The following NLGN4X variants were observed in gnomAD, a reference collection of about 807,000 sequenced individuals.
The protein encoded by NLGN4X is neuroligin-4, X-linked.
In NLGN4X, 3 loss-of-function variants were observed where a neutral mutation model predicts 40.3. The ratio of observed to expected loss-of-function variants is 0.07; its 90% CI spans 0.03 to 0.19. The LOEUF (loss-of-function observed/expected upper bound fraction) is 0.19. Ranked by LOEUF, NLGN4X falls within the 10% of genes least tolerant of loss-of-function variation. The pLI, the probability that NLGN4X is intolerant of heterozygous loss-of-function variation, is 1.00. For missense variants in NLGN4X, 382 were observed against 708.3 expected, an observed-to-expected ratio of 0.54 and a Z score of 5.23; for synonymous variants, 270 against 306.8, an observed-to-expected ratio of 0.88 and a Z score of 1.25.
intron 3 of NLGN4X, among the ~76,000 whole-genome samples, chrX:5,978,341 T>C (rs5915626): frequency 0.1 from 937 of 9,382 alleles, 66 homozygotes; most frequent in East Asian, 0.22. Flanking sequence ...TCTTTCTTTC[T>C]TTCCCTTCCT....
intron 3 of NLGN4X, chrX:5,991,565 C>T (rs191398096): frequency 2.0e-6 from 1 of 492,732 alleles, no homozygotes; most frequent in Non-Finnish European, 3.8e-6. Context: ...CTGACATTCT[C>T]TTGCCTAGAA....
chrX:5,898,498 T>C (rs2031650631), intron 5 of NLGN4X, among the ~76,000 whole-genome samples: 1 of 110,852 alleles, frequency 9.0e-6, no homozygotes, highest in Non-Finnish European at 1.9e-5. Context: ...ACCATCTACT[T>C]TGAGATGTCT....
chrX:6,114,137 T>C (rs899048225), intron 2 of NLGN4X, among the ~76,000 whole-genome samples: 1 of 111,666 alleles, frequency 9.0e-6, no homozygotes, highest in Admixed American at 9.6e-5. Flanking sequence ...GTTAAACCAA[T>C]AAGTCTTAAA....
At chrX:6,164,009 G>A (rs943241716) in intron 1 of NLGN4X, among the ~76,000 whole-genome samples, 1 of 112,914 alleles carries the variant, frequency 8.9e-6, no homozygotes, top group South Asian at 3.6e-4. Flanking sequence ...CTCATCTCCT[G>A]TGGGTACCAC....
intron 2 of NLGN4X, among the ~76,000 whole-genome samples, chrX:6,048,001 G>T: frequency 9.0e-6 from 1 of 111,614 alleles, no homozygotes; most frequent in Non-Finnish European, 1.9e-5. Context: ...AAACAGCCTG[G>T]TCATGGGTTC....
intron 3 of NLGN4X, among the ~76,000 whole-genome samples, chrX:5,943,932 T>A (rs1269829065): frequency 8.9e-6 from 1 of 112,288 alleles, no homozygotes; most frequent in African/African-American, 3.2e-5. Context: ...TATAAATGCA[T>A]GATTCTGTAT....
intron 1 of NLGN4X, among the ~76,000 whole-genome samples, chrX:6,180,972 C>A (rs936699205): frequency 9.0e-6 from 1 of 111,659 alleles, no homozygotes; most frequent in Non-Finnish European, 1.9e-5. Flanking sequence ...ATAAAGCATT[C>A]TTTGGGGAAA....
At chrX:6,095,456 G>C (rs1471928239) in intron 2 of NLGN4X, among the ~76,000 whole-genome samples, 2 of 111,829 alleles carry the variant, frequency 1.8e-5, no homozygotes, top group Non-Finnish European at 3.8e-5. Context: ...TGATTAATAT[G>C]AAATACTAAA....
chrX:5,976,825 A>G (rs1376687538), intron 3 of NLGN4X, among the ~76,000 whole-genome samples: 1 of 112,971 alleles, frequency 8.9e-6, no homozygotes, highest in African/African-American at 3.2e-5. Flanking sequence ...GACAAGCCCT[A>G]TGGCAGAATG....
intron 2 of NLGN4X, among the ~76,000 whole-genome samples, chrX:6,050,675 A>G (rs148235944): frequency 9.0e-6 from 1 of 110,916 alleles, no homozygotes; most frequent in African/African-American, 3.3e-5. Flanking sequence ...CCACCTATTC[A>G]TATCTATCTA....
At position 5,891,847 on chromosome X, in the gene NLGN4X, T is replaced by C. The variant is rs921586949; in HGVS notation, c.*970A>G. 2.2e-5 allele frequency: 3 copies of C among 137,901 alleles called. No individual in the cohort carries two copies. In the South Asian group the frequency reaches 6.1e-4, roughly 28 times the overall value. 11.4% of individuals were successfully genotyped at this position (137,901 alleles called of 1,213,427 possible). A position where few individuals can be genotyped will look rare whatever the true frequency, so the allele number is the denominator to read the frequency against. Reference sequence around the variant, plus strand: ...AAACAGTGGTCTCCTAAGAATGCTCTTGCATGCACCTGTGCAACCTGACGG... The same window carrying C: ...AAACAGTGGTCTCCTAAGAATGCTCCTGCATGCACCTGTGCAACCTGACGG... On this transcript the variant is annotated 3_prime_UTR_variant, in exon 6 of 6. Transcript: ENST00000381095.
intron 3 of NLGN4X, among the ~76,000 whole-genome samples, chrX:5,967,777 G>A (rs1485834409): frequency 9.0e-6 from 1 of 111,142 alleles, no homozygotes; most frequent in Non-Finnish European, 1.9e-5. Context: ...AGCACATGAA[G>A]GACACACAGG....
At chrX:6,203,559 ACT>A (rs1187727334) in intron 1 of NLGN4X, among the ~76,000 whole-genome samples, 1 of 111,488 alleles carries the variant, frequency 9.0e-6, no homozygotes, top group East Asian at 2.8e-4. Context: ...TTCACCTTAG[ACT>A]CTCTTTCAGC....
At chrX:5,918,630 C>T (rs1014656697) in intron 3 of NLGN4X, among the ~76,000 whole-genome samples, 64 of 112,288 alleles carry the variant, frequency 5.7e-4, no homozygotes, top group African/African-American at 2.0e-3. Flanking sequence ...AAACTCTCTG[C>T]CTCTTTAAGT....
chrX:6,152,047 C>A (rs180976504), intron 1 of NLGN4X, among the ~76,000 whole-genome samples: 2 of 111,400 alleles, frequency 1.8e-5, no homozygotes, highest in Non-Finnish European at 3.8e-5. Flanking sequence ...AACTCCTGGG[C>A]TCAACCCATC....
At chrX:6,041,033 C>T (rs35620385) in intron 2 of NLGN4X, among the ~76,000 whole-genome samples, 23,171 of 110,676 alleles carry the variant, frequency 0.21, 1,863 homozygotes, top group Admixed American at 0.26. Flanking sequence ...TTGGACATTC[C>T]GGATGTGGGG....
chrX:5,998,522 T>G (rs2035893141), intron 3 of NLGN4X, among the ~76,000 whole-genome samples: 1 of 112,248 alleles, frequency 8.9e-6, no homozygotes, highest in South Asian at 3.7e-4. Context: ...TAGCACCATG[T>G]GTATGAAACA....
chrX:6,134,882 A>G (rs933660675), intron 2 of NLGN4X, among the ~76,000 whole-genome samples: 1 of 112,707 alleles, frequency 8.9e-6, no homozygotes, highest in Admixed American at 9.4e-5. Flanking sequence ...ATTCCTTGTG[A>G]GAGAACTGGA....
chrX:6,137,520 G>C (rs1031070793), intron 2 of NLGN4X, among the ~76,000 whole-genome samples: 57 of 111,823 alleles, frequency 5.1e-4, no homozygotes, highest in African/African-American at 1.8e-3. Flanking sequence ...GCCTGTCAAA[G>C]TTTTTAAAAC....
Sources: allele counts gnomAD v4.1 joint callset (sites outside exome capture counted in the v4.1 genomes callset), GRCh38; gene constraint gnomAD v4.1.1; transcripts MANE v1.5; gene names NCBI Gene and HGNC (gene_info 2026-07-23, HGNC 2026-07-21).